Variants in ASAH2 observed in about 807,000 individuals in gnomAD.
ASAH2 encodes neutral ceramidase.
In ASAH2, 58 loss-of-function variants were observed where a neutral mutation model predicts 82.9. The ratio of observed to expected loss-of-function variants is 0.70; its 90% CI spans 0.57 to 0.87. The LOEUF is 0.87. Among genes scored for constraint, ASAH2 ranks in the 40% least tolerant of loss-of-function variants. The pLI is 0.00. For missense variants in ASAH2, 779 were observed against 834.0 expected (o/e 0.93, Z 0.81); for synonymous variants, 276 against 289.7 (o/e 0.95, Z 0.48).
chr10:50,201,583 C>A (rs1564834794), intron 16 of ASAH2, among the ~76,000 whole-genome samples: 2 of 152,098 alleles, frequency 1.3e-5, no homozygotes, highest in African/African-American at 4.8e-5. Context: ...GTTCAGGGAA[C>A]TTTCCCATCT....
At chr10:50,212,188 C>T (rs1415654915) in intron 10 of ASAH2, among the ~76,000 whole-genome samples, 1 of 145,242 alleles carries the variant, frequency 6.9e-6, no homozygotes, top group Non-Finnish European at 1.6e-5. Context: ...TTTAAACACA[C>T]ACACACACAC....
At chr10:50,246,766 C>T (rs1846468762) in intron 2 of ASAH2, among the ~76,000 whole-genome samples, 1 of 152,134 alleles carries the variant, frequency 6.6e-6, no homozygotes, top group South Asian at 2.1e-4. Context: ...CATTCCCAAG[C>T]CGAGATTTTC....
At chr10:50,232,357 G>C (rs1386636366) in intron 7 of ASAH2, among the ~76,000 whole-genome samples, 4 of 152,094 alleles carry the variant, frequency 2.6e-5, no homozygotes, top group Non-Finnish European at 5.9e-5. Context: ...AGACAGGGTA[G>C]TCACAGAACT....
chr10:50,200,057 T>C (rs1334872713), intron 16 of ASAH2, among the ~76,000 whole-genome samples: 2 of 151,504 alleles, frequency 1.3e-5, no homozygotes, highest in Admixed American at 6.6e-5. Context: ...AAGTAGTTTT[T>C]TGATCCTCTC....
At chr10:50,240,428 G>T (rs1383298348) in intron 4 of ASAH2, 2 of 701,434 alleles carry the variant, frequency 2.9e-6, no homozygotes, top group African/African-American at 1.8e-5. Context: ...GCTAATTTTT[G>T]TCCTCACTTC....
At chr10:50,241,259 T>C (rs541911774) in intron 4 of ASAH2, among the ~76,000 whole-genome samples, 1 of 152,336 alleles carries the variant, frequency 6.6e-6, no homozygotes, top group South Asian at 2.1e-4. Context: ...TCATGTGAAA[T>C]CATAAGTGTT....
intron 7 of ASAH2, among the ~76,000 whole-genome samples, chr10:50,228,806 G>A (rs913851129): frequency 6.1e-4 from 93 of 151,926 alleles, no homozygotes; most frequent in Non-Finnish European, 8.1e-4. Context: ...AGCGGGATGA[G>A]GAGCAAGGAG....
intron 7 of ASAH2, among the ~76,000 whole-genome samples, chr10:50,226,836 C>A (rs1022649010): frequency 1.3e-5 from 2 of 152,064 alleles, no homozygotes; most frequent in Admixed American, 6.6e-5. Context: ...AGTTCAAGAA[C>A]TAGGAAAATA....
intron 10 of ASAH2, 97 bp from the exon 11 acceptor site, chr10:50,211,231 G>A: frequency 1.1e-6 from 1 of 907,878 alleles, no homozygotes; most frequent in Non-Finnish European, 1.8e-6. Flanking sequence ...ATTTGGAAAT[G>A]CATCTCTCAG....
At chr10:50,225,590 A>G (rs1480220664) in intron 7 of ASAH2, among the ~76,000 whole-genome samples, 2 of 152,130 alleles carry the variant, frequency 1.3e-5, no homozygotes, top group Non-Finnish European at 2.9e-5. Flanking sequence ...CTTGGCAACA[A>G]TTGTAAAGCA....
In ASAH2 at chr10:50,202,963, A is replaced by T. The variant is rs973217295; in HGVS notation, c.1666-39T>A. 7 of 1,219,796 alleles carry T rather than the reference A, an allele frequency of 5.7e-6. No individual in the cohort carries two copies. The Admixed American group carries it at 6.7e-5, about 12-fold the overall frequency. The allele number at this position is 1,219,796 out of a possible 1,614,324, so 75.6% of individuals were successfully genotyped here. ...GTAAAACCCAATAAAATTACTCTTC[A>T]TCTTTACGTATATTTTCATTCTGTT... On this transcript the variant is annotated intron_variant, in intron 15 of 20. Transcript: ENST00000682911.
At chr10:50,204,022 G>C (rs1032927070) in intron 14 of ASAH2, among the ~76,000 whole-genome samples, 2 of 151,944 alleles carry the variant, frequency 1.3e-5, no homozygotes, top group Non-Finnish European at 2.9e-5. Flanking sequence ...ATACATTACT[G>C]TATAAGTGTA....
intron 3 of ASAH2, 56 bp downstream of exon 3, chr10:50,245,166 A>G: frequency 1.4e-6 from 2 of 1,399,680 alleles, no homozygotes; most frequent in Non-Finnish European, 2.0e-6. Flanking sequence ...TGCAGGTTGT[A>G]AAATAATAAA....
intron 4 of ASAH2, among the ~76,000 whole-genome samples, chr10:50,242,560 A>T (rs529559679): frequency 6.6e-6 from 1 of 152,284 alleles, no homozygotes; most frequent in South Asian, 2.1e-4. Context: ...CAGGGCTTAG[A>T]AATTGCCTTA....
At chr10:50,233,049 C>A (rs1846057623) in intron 7 of ASAH2, 135 bp downstream of exon 7, 4 of 784,248 alleles carry the variant, frequency 5.1e-6, no homozygotes, top group African/African-American at 1.7e-5. Flanking sequence ...CCAGTTGTGT[C>A]TGACTTCAGA....
intron 2 of ASAH2, among the ~76,000 whole-genome samples, chr10:50,246,373 T>C (rs1846458585): frequency 6.6e-6 from 1 of 152,252 alleles, no homozygotes; most frequent in Admixed American, 6.5e-5. Flanking sequence ...CAATGGCTAC[T>C]ATGTAGCTTT....
At chr10:50,234,610 A>C (rs1846102371) in intron 5 of ASAH2, 58 bp from the exon 6 acceptor site, 1 of 1,610,346 alleles carries the variant, frequency 6.2e-7, no homozygotes, top group African/African-American at 1.3e-5. Flanking sequence ...GGGGACAATA[A>C]CTTAGTCAAT....
intron 13 of ASAH2, 84 bp from the exon 14 acceptor site, chr10:50,205,039 C>G: frequency 1.1e-6 from 1 of 909,804 alleles, no homozygotes; most frequent in Non-Finnish European, 1.7e-6. Context: ...AGAATTTCCT[C>G]TAGTTTCTAA....
At chr10:50,219,441 C>T (rs897323904) in intron 7 of ASAH2, among the ~76,000 whole-genome samples, 4 of 152,126 alleles carry the variant, frequency 2.6e-5, no homozygotes, top group Admixed American at 2.0e-4. Context: ...CTTGTGACAC[C>T]GTGTCCAGTG....
Sources: gnomAD v4.1 joint callset for allele counts (sites outside exome capture counted in the v4.1 genomes callset) on GRCh38, gnomAD v4.1.1 for gene constraint, MANE v1.5 for transcripts, NCBI Gene and HGNC (gene_info 2026-07-23, HGNC 2026-07-21) for gene names.